Variants in RYR2 observed in about 807,000 individuals in gnomAD.
The protein encoded by RYR2 is cardiac muscle ryanodine receptor-calcium release channel.
A neutral mutation model predicts 601.1 loss-of-function variants in RYR2; 227 were observed. That is an observed-to-expected ratio of 0.38 (90% CI 0.34 to 0.42). The LOEUF (loss-of-function observed/expected upper bound fraction) is 0.42, where lower values mean the gene tolerates loss of function less well. Among genes scored for constraint, RYR2 ranks in the 10% least tolerant of loss-of-function variants. The pLI, the probability that RYR2 is intolerant of heterozygous loss-of-function variation, is 1.00. For missense variants in RYR2, 4,646 were observed against 6,156.5 expected (o/e 0.75, Z 8.21); for synonymous variants, 2,223 against 2,175.1 (o/e 1.02, Z -0.61).
chr1:237,569,986 G>A (rs1672499052), intron 29 of RYR2, among the ~76,000 whole-genome samples: 1 of 152,128 alleles, frequency 6.6e-6, no homozygotes, highest in Non-Finnish European at 1.5e-5. Flanking sequence ...GGGAGGCCGA[G>A]GTGGATGGAT....
chr1:237,795,699 C>T (rs1659033911), intron 96 of RYR2, among the ~76,000 whole-genome samples: 1 of 151,820 alleles, frequency 6.6e-6, no homozygotes, highest in African/African-American at 2.4e-5. Flanking sequence ...GATCTGCCCG[C>T]CTTGACCTAC....
At chr1:237,743,540 C>T in intron 80 of RYR2, 3 of 517,014 alleles carry the variant, frequency 5.8e-6, no homozygotes, top group South Asian at 2.8e-5. Context: ...ATAGTCTATC[C>T]GTTGTCTTCA....
intron 7 of RYR2, 128 bp downstream of exon 7, chr1:237,374,923 A>G: frequency 2.8e-6 from 2 of 708,246 alleles, no homozygotes; most frequent in South Asian, 1.9e-5. Flanking sequence ...GAATGTTCTA[A>G]TGAAAGTTTT....
chr1:237,186,655 C>T (rs1196339538), intron 1 of RYR2, among the ~76,000 whole-genome samples: 3 of 152,202 alleles, frequency 2.0e-5, no homozygotes, highest in Non-Finnish European at 4.4e-5. Flanking sequence ...ACAAGACCCA[C>T]TTGCATAAGA....
chr1:237,535,032 C>T (rs1668462687), intron 25 of RYR2, among the ~76,000 whole-genome samples: 1 of 151,420 alleles, frequency 6.6e-6, no homozygotes, highest in South Asian at 2.1e-4. Context: ...TCATTATTAA[C>T]TATATTAACC....
At chr1:237,233,788 G>A (rs1193467113) in intron 1 of RYR2, among the ~76,000 whole-genome samples, 1 of 152,124 alleles carries the variant, frequency 6.6e-6, no homozygotes, top group Non-Finnish European at 1.5e-5. Flanking sequence ...CTGAGTAGCT[G>A]GGATTACAGG....
intron 40 of RYR2, among the ~76,000 whole-genome samples, chr1:237,626,557 C>CTTTTCT (rs1403979839): frequency 3.0e-4 from 17 of 57,612 alleles, no homozygotes; most frequent in East Asian, 2.6e-3. Flanking sequence ...GTGTTTCTTT[C>CTTTTCT]TTTTCTTTTT....
Position 237,794,013 on chromosome 1 carries a change from T to C in RYR2, c.13913+16T>C, listed in dbSNP as rs778853226. On this transcript the variant is annotated intron_variant, in intron 95 of 104. Transcript: ENST00000366574. ...TCAACACACAGTGAGTAAATAATTA[T>C]ATGAGACTTTCTGCACTCAAAAATT... The C allele has an allele frequency of 5.0e-6, 8 of 1,595,866 alleles. No individual in the cohort carries two copies. The highest frequency in any genetic ancestry group is 4.5e-5 in the East Asian group (2 of 44,702).
At chr1:237,436,495 A>G (rs1707391392) in intron 12 of RYR2, among the ~76,000 whole-genome samples, 1 of 57,732 alleles carries the variant, frequency 1.7e-5, no homozygotes, top group South Asian at 5.0e-4. Context: ...CTGTCCTGGA[A>G]GGGCTAACTA....
At chr1:237,717,652 T>C (rs1689374318) in intron 72 of RYR2, among the ~76,000 whole-genome samples, 1 of 152,162 alleles carries the variant, frequency 6.6e-6, no homozygotes, top group African/African-American at 2.4e-5. Flanking sequence ...CATATAAACT[T>C]CTATATAAAG....
intron 101 of RYR2, among the ~76,000 whole-genome samples, chr1:237,827,049 GAATTAA>G (rs1039741492): frequency 1.2e-4 from 19 of 152,252 alleles, no homozygotes; most frequent in African/African-American, 4.6e-4. Context: ...ATCCTGGCTT[GAATTAA>G]ATGTCTGTAA....
rs529367174 is a variant in RYR2, at chr1:237,660,106, A to G, written c.8298+32A>G. 3.8e-5 allele frequency: 49 copies of G among 1,280,726 alleles called. No homozygotes were observed. The African/African-American group carries it at 6.3e-4, about 16-fold the overall frequency. The allele number at this position is 1,280,726 out of a possible 1,614,324, so 79.3% of individuals were successfully genotyped here. On this transcript the variant is annotated intron_variant, in intron 55 of 104. Coordinates refer to ENST00000366574, the MANE Select transcript of RYR2 (RefSeq NM_001035.3). ...ATTTTTTGTTTGTTTTAGTTTGTAA[A>G]GTTTTTATTCTTTTGAAAAATGTGT...
intron 6 of RYR2, among the ~76,000 whole-genome samples, chr1:237,371,299 G>A (rs1413885592): frequency 6.6e-6 from 1 of 152,048 alleles, no homozygotes; most frequent in African/African-American, 2.4e-5. Flanking sequence ...AGGACTACAG[G>A]TGTGTGCTAC....
At chr1:237,264,518 A>G (rs1688845635) in intron 1 of RYR2, among the ~76,000 whole-genome samples, 1 of 152,126 alleles carries the variant, frequency 6.6e-6, no homozygotes, top group Non-Finnish European at 1.5e-5. Flanking sequence ...GGGCAATTCA[A>G]TGAAAGGGTA....
At chr1:237,501,838 A>G (rs1312890574) in intron 21 of RYR2, among the ~76,000 whole-genome samples, 1 of 152,134 alleles carries the variant, frequency 6.6e-6, no homozygotes. Context: ...GACCTGATAC[A>G]CAAATTAGAA....
intron 25 of RYR2, among the ~76,000 whole-genome samples, chr1:237,544,660 T>A (rs1018118860): frequency 1.3e-5 from 2 of 152,176 alleles, no homozygotes; most frequent in Non-Finnish European, 2.9e-5. Context: ...TTGTCCTCTG[T>A]GTACCTAATT....
At position 237,289,223 on chromosome 1, in the gene RYR2, G is replaced by A. The variant is rs149131162; in HGVS notation, c.168+18607G>A. Among the ~76,000 whole-genome samples, 1,420 of 152,226 alleles carry A rather than the reference G, an allele frequency of 9.3e-3. 6 individuals carry two copies. Among genetic ancestry groups the A allele is most frequent in the Non-Finnish European group, 0.013 (892 of 68,018 alleles). On this transcript the variant is annotated intron_variant, in intron 2 of 104. Coordinates refer to ENST00000366574, the MANE Select transcript of RYR2 (RefSeq NM_001035.3). ...CTCTGTGGATCCTCTCGGGATTGCT[G>A]GTTTGTTCTTGCAGCTGATCTGGGT...
At chr1:237,504,621 G>A (rs760130562) in intron 22 of RYR2, among the ~76,000 whole-genome samples, 2 of 152,164 alleles carry the variant, frequency 1.3e-5, no homozygotes, top group Non-Finnish European at 2.9e-5. Context: ...GGCAATAATA[G>A]CAACAGGTGG....
At chr1:237,223,092 A>G (rs1391990060) in intron 1 of RYR2, among the ~76,000 whole-genome samples, 1 of 152,164 alleles carries the variant, frequency 6.6e-6, no homozygotes, top group Non-Finnish European at 1.5e-5. Context: ...AACAACAACA[A>G]AACAACCGCT....
Sources: allele counts gnomAD v4.1 joint callset (sites outside exome capture counted in the v4.1 genomes callset), GRCh38; gene constraint gnomAD v4.1.1; transcripts MANE v1.5; gene names NCBI Gene and HGNC (gene_info 2026-07-23, HGNC 2026-07-21).